The following TBC1D22A variants were observed in gnomAD, a reference collection of about 807,000 sequenced individuals.
The protein encoded by TBC1D22A is TBC1 domain family member 22A.
In TBC1D22A, 38 loss-of-function variants were observed where a neutral mutation model predicts 60.2. That is an observed-to-expected ratio of 0.63 (90% CI 0.49 to 0.83). TBC1D22A has a LOEUF of 0.83. Among genes scored for constraint, TBC1D22A ranks in the 40% least tolerant of loss-of-function variants. The pLI, the probability that TBC1D22A is intolerant of heterozygous loss-of-function variation, is 0.00. For synonymous variants in TBC1D22A, 302 were observed against 281.7 expected, an observed-to-expected ratio of 1.07 and a Z score of -0.72; for missense variants, 628 against 701.0, an observed-to-expected ratio of 0.90 and a Z score of 1.18.
intron 12 of TBC1D22A, among the ~76,000 whole-genome samples, chr22:47,157,200 T>C (rs2067756819): frequency 6.6e-6 from 1 of 152,214 alleles, no homozygotes; most frequent in Non-Finnish European, 1.5e-5. Context: ...GAGAGCAGCA[T>C]GCAGAGTCAC....
intron 4 of TBC1D22A, among the ~76,000 whole-genome samples, chr22:46,841,238 G>T (rs917592203): frequency 6.6e-6 from 1 of 152,198 alleles, no homozygotes; most frequent in Admixed American, 6.5e-5. Context: ...CATGGATGAG[G>T]TTAGGGCCCT....
At chr22:46,779,381 C>T (rs901214268) in intron 1 of TBC1D22A, among the ~76,000 whole-genome samples, 25 of 152,052 alleles carry the variant, frequency 1.6e-4, no homozygotes, top group African/African-American at 5.6e-4. Flanking sequence ...TGGACAATTT[C>T]TTTCTTTCTT....
intron 12 of TBC1D22A, among the ~76,000 whole-genome samples, chr22:47,161,898 C>T (rs897572667): frequency 2.6e-5 from 4 of 152,368 alleles, no homozygotes; most frequent in Non-Finnish European, 4.4e-5. Flanking sequence ...AGTGAGCTGC[C>T]GGCGCTCTTG....
chr22:46,808,382 TAAAG>T (rs760624899), intron 4 of TBC1D22A, among the ~76,000 whole-genome samples: 9 of 151,256 alleles, frequency 6.0e-5, no homozygotes, highest in South Asian at 2.1e-4. Flanking sequence ...AATAAAAAAA[TAAAG>T]AAATGCAGTA....
chr22:46,825,038 C>T (rs1242016521), intron 4 of TBC1D22A, among the ~76,000 whole-genome samples: 1 of 152,070 alleles, frequency 6.6e-6, no homozygotes, highest in Non-Finnish European at 1.5e-5. Flanking sequence ...CATTCTTTTT[C>T]ATGTGCTGAT....
At position 47,028,988 on chromosome 22, in the gene TBC1D22A, C is replaced by T. The variant is rs986875206; in HGVS notation, c.1202-8083C>T. On this transcript the variant is annotated intron_variant, in intron 10 of 12. Transcript: ENST00000337137. The surrounding 1 kb of genome is among the most constrained non-coding windows in gnomAD (Gnocchi z 4.4). Reference sequence around the variant, plus strand: ...CTCAGTGGTCCCCAGGCCACCTGCACCTCTGCCCAGCTGGCTGTAAATTCA... The same window carrying T: ...CTCAGTGGTCCCCAGGCCACCTGCATCTCTGCCCAGCTGGCTGTAAATTCA... 5.9e-5 allele frequency among the ~76,000 whole-genome samples: 9 copies of T among 152,354 alleles called. No individual in the cohort carries two copies. The highest frequency in any genetic ancestry group is 1.9e-4 in the East Asian group (1 of 5,182).
chr22:46,893,349 C>T (rs537731723), intron 6 of TBC1D22A, among the ~76,000 whole-genome samples: 13 of 152,162 alleles, frequency 8.5e-5, no homozygotes, highest in African/African-American at 2.6e-4. Context: ...GGGAGGCAGG[C>T]GGGATGGATG....
At chr22:46,979,618 C>T (rs1256562034) in intron 9 of TBC1D22A, among the ~76,000 whole-genome samples, 2 of 152,198 alleles carry the variant, frequency 1.3e-5, no homozygotes, top group Non-Finnish European at 2.9e-5. Context: ...GTGACCTTTC[C>T]TGCCGTATCC....
chr22:46,933,259 A>G (rs1425474039), intron 8 of TBC1D22A, among the ~76,000 whole-genome samples: 2 of 152,160 alleles, frequency 1.3e-5, no homozygotes, highest in African/African-American at 4.8e-5. Flanking sequence ...CATGATCACA[A>G]CCACAGCGTG....
At chr22:47,076,282 T>C (rs957205930) in intron 11 of TBC1D22A, among the ~76,000 whole-genome samples, 1 of 150,950 alleles carries the variant, frequency 6.6e-6, no homozygotes, top group African/African-American at 2.4e-5. Flanking sequence ...CCATAGCAAT[T>C]CTCAACAAAT....
chr22:46,959,875 T>G (rs1379532676), intron 8 of TBC1D22A, among the ~76,000 whole-genome samples: 1 of 152,226 alleles, frequency 6.6e-6, no homozygotes, highest in Non-Finnish European at 1.5e-5. Context: ...CTTGGCTTCT[T>G]GGCCCTCGAA....
chr22:47,169,641 G>A (rs1304420434), intron 12 of TBC1D22A, among the ~76,000 whole-genome samples: 2 of 152,194 alleles, frequency 1.3e-5, no homozygotes, highest in African/African-American at 2.4e-5. Context: ...CAGGCTGATG[G>A]AGAAAGGCAG....
intron 1 of TBC1D22A, among the ~76,000 whole-genome samples, chr22:46,784,729 T>C (rs747611148): frequency 5.3e-5 from 8 of 152,222 alleles, no homozygotes; most frequent in Non-Finnish European, 1.0e-4. Context: ...TAGAGATACA[T>C]TGGGAAATGA....
chr22:46,827,691 T>A (rs1602046214), intron 4 of TBC1D22A, among the ~76,000 whole-genome samples: 1 of 152,030 alleles, frequency 6.6e-6, no homozygotes. Flanking sequence ...GTGGTGTGAG[T>A]GAGGTCTCAG....
At chr22:47,159,456 A>G (rs950270552) in intron 12 of TBC1D22A, among the ~76,000 whole-genome samples, 1 of 151,756 alleles carries the variant, frequency 6.6e-6, no homozygotes, top group Non-Finnish European at 1.5e-5. Flanking sequence ...ATACACACAG[A>G]CACCACACCC....
chr22:46,978,528 G>T (rs1304146632), intron 9 of TBC1D22A, among the ~76,000 whole-genome samples: 1 of 152,132 alleles, frequency 6.6e-6, no homozygotes, highest in East Asian at 1.9e-4. Context: ...TCAATTTGTT[G>T]TGGTATTTTT....
In TBC1D22A at chr22:46,970,878, C is replaced by T. The variant is rs190580584; in HGVS notation, c.1016-3412C>T. 2.0e-5 allele frequency among the ~76,000 whole-genome samples: 3 copies of T among 152,240 alleles called. No individual in the cohort carries two copies. In the East Asian group the frequency reaches 5.8e-4, roughly 29 times the overall value. ...AGGGCTCCTCTGGGTGGCCTTGGACCTTCCCAGGCTATCTCCCCAGGGGCC... is the reference window on the plus strand; with the variant it reads ...AGGGCTCCTCTGGGTGGCCTTGGACTTTCCCAGGCTATCTCCCCAGGGGCC... On this transcript the variant is annotated intron_variant, in intron 8 of 12. Transcript: ENST00000337137.
At chr22:47,077,522 G>T (rs1302077723) in intron 11 of TBC1D22A, among the ~76,000 whole-genome samples, 1 of 152,196 alleles carries the variant, frequency 6.6e-6, no homozygotes, top group South Asian at 2.1e-4. Context: ...CTGCTGGGGG[G>T]TCTGAAAGGT....
At chr22:46,825,038 C>G (rs1242016521) in intron 4 of TBC1D22A, among the ~76,000 whole-genome samples, 1 of 152,070 alleles carries the variant, frequency 6.6e-6, no homozygotes, top group African/African-American at 2.4e-5. Flanking sequence ...CATTCTTTTT[C>G]ATGTGCTGAT....
Sources: allele counts gnomAD v4.1 joint callset (sites outside exome capture counted in the v4.1 genomes callset), GRCh38; gene constraint gnomAD v4.1.1; non-coding constraint Gnocchi (gnomAD v3.1); transcripts MANE v1.5; gene names NCBI Gene and HGNC (gene_info 2026-07-23, HGNC 2026-07-21).